Variants in OPCML observed in about 807,000 individuals in gnomAD.
The protein encoded by OPCML is opioid-binding protein/cell adhesion molecule.
A neutral mutation model predicts 37.8 loss-of-function variants in OPCML; 13 were observed. The ratio of observed to expected loss-of-function variants is 0.34; its 90% CI spans 0.22 to 0.55. The LOEUF is 0.55. OPCML is among the 20% of genes least tolerant of loss of function. The probability of loss-of-function intolerance (pLI) is 0.91; values close to 1 mark genes in which losing one functional copy is unlikely to be tolerated. For missense variants in OPCML, 341 were observed against 435.6 expected (o/e 0.78, Z 1.93); for synonymous variants, 176 against 168.8 (o/e 1.04, Z -0.33).
At chr11:132,560,138 A>G (rs1336359825) in intron 3 of OPCML, among the ~76,000 whole-genome samples, 1 of 152,156 alleles carries the variant, frequency 6.6e-6, no homozygotes, top group African/African-American at 2.4e-5. Flanking sequence ...TTGTTCTCAG[A>G]TCTTCCCTTT....
chr11:132,544,036 A>G (rs1290918632), intron 3 of OPCML, among the ~76,000 whole-genome samples: 1 of 152,122 alleles, frequency 6.6e-6, no homozygotes, highest in African/African-American at 2.4e-5. Context: ...ATTACAGCCA[A>G]AGACAAGTCT....
chr11:133,073,236 G>T (rs1238462781), intron 1 of OPCML, among the ~76,000 whole-genome samples: 1 of 152,230 alleles, frequency 6.6e-6, no homozygotes, highest in Non-Finnish European at 1.5e-5. Context: ...TCAGGCACCA[G>T]TCAAGCCCTG....
intron 1 of OPCML, among the ~76,000 whole-genome samples, chr11:133,108,060 A>T (rs1949188280): frequency 6.6e-6 from 1 of 152,230 alleles, no homozygotes; most frequent in African/African-American, 2.4e-5. Context: ...GCACAAAAGC[A>T]GAGCAGCCAA....
At chr11:133,070,596 G>A (rs531152102) in intron 1 of OPCML, among the ~76,000 whole-genome samples, 6 of 152,268 alleles carry the variant, frequency 3.9e-5, no homozygotes, top group Admixed American at 2.0e-4. Context: ...GCAACGGTGT[G>A]GCTAATTCCA....
chr11:133,029,862 T>TA (rs1418880432), intron 1 of OPCML, among the ~76,000 whole-genome samples: 213 of 2,312 alleles, frequency 0.092, 1 homozygote, highest in Middle Eastern at 0.33. Context: ...AATCTAAAAT[T>TA]TAAAAAAAAA....
chr11:133,230,117 G>A (rs757866019), intron 1 of OPCML, among the ~76,000 whole-genome samples: 8 of 152,190 alleles, frequency 5.3e-5, no homozygotes, highest in Non-Finnish European at 1.0e-4. Flanking sequence ...TCTACTCACC[G>A]TGGTCTTAGA....
chr11:132,554,026 G>A (rs1191600028), intron 3 of OPCML, among the ~76,000 whole-genome samples: 1 of 152,178 alleles, frequency 6.6e-6, no homozygotes, highest in Non-Finnish European at 1.5e-5. Context: ...AAGCCTGCCT[G>A]CCAGGGACCT....
intron 4 of OPCML, among the ~76,000 whole-genome samples, chr11:132,518,886 CA>C (rs1315731544): frequency 6.6e-6 from 1 of 152,152 alleles, no homozygotes; most frequent in Non-Finnish European, 1.5e-5. Context: ...GCATAAGAGA[CA>C]AAGATAGACA....
chr11:133,253,110 C>T (rs941875295), intron 1 of OPCML, among the ~76,000 whole-genome samples: 10 of 147,670 alleles, frequency 6.8e-5, no homozygotes, highest in Admixed American at 4.8e-4. Context: ...CATGCCATTG[C>T]ACTCCAGCCT....
intron 3 of OPCML, among the ~76,000 whole-genome samples, chr11:132,607,771 G>T (rs1938397332): frequency 6.6e-6 from 1 of 152,132 alleles, no homozygotes; most frequent in Admixed American, 6.5e-5. Flanking sequence ...ACCAGAAGGG[G>T]TAAACAAAGA....
intron 2 of OPCML, among the ~76,000 whole-genome samples, chr11:132,781,257 G>A (rs1394292843): frequency 1.3e-5 from 2 of 152,090 alleles, no homozygotes; most frequent in Non-Finnish European, 2.9e-5. Flanking sequence ...GGCAAAGTGA[G>A]TGCCCTGCCC....
intron 1 of OPCML, among the ~76,000 whole-genome samples, chr11:133,352,467 G>A (rs1396542056): frequency 6.6e-6 from 1 of 152,180 alleles, no homozygotes; most frequent in Non-Finnish European, 1.5e-5. Context: ...TACCTCAAAC[G>A]CACCATCAGC....
rs552089127 is a variant in OPCML at position 132,487,615 on chromosome 11, A to G, written c.505+41446T>C. On this transcript the variant is annotated intron_variant, in intron 4 of 7. Transcript: ENST00000524381. ...ACTCTCCTCTCCCTTCCTCTTTGCT[A>G]CTATGAATGACACTTTCCCGTTAGG... Among the ~76,000 whole-genome samples, 9 of 152,198 alleles carry G rather than the reference A, an allele frequency of 5.9e-5. No individual in the cohort carries two copies. The East Asian group carries it at 1.7e-3, about 29-fold the overall frequency.
At chr11:132,867,424 G>A (rs2136381155) in intron 2 of OPCML, among the ~76,000 whole-genome samples, 1 of 152,288 alleles carries the variant, frequency 6.6e-6, no homozygotes, top group South Asian at 2.1e-4. Context: ...AAGATAAATA[G>A]AAGTTACTTT....
chr11:132,606,680 ACTGCC>A (rs1938323099), intron 3 of OPCML, among the ~76,000 whole-genome samples: 1 of 37,302 alleles, frequency 2.7e-5, no homozygotes, highest in Non-Finnish European at 6.9e-5. Context: ...TGGGACCGTG[ACTGCC>A]GTGACTGCAC....
chr11:133,349,383 C>A (rs938316819), intron 1 of OPCML, among the ~76,000 whole-genome samples: 2 of 152,166 alleles, frequency 1.3e-5, no homozygotes, highest in African/African-American at 4.8e-5. Context: ...ATTCTCACCT[C>A]TTAATTTAAT....
At chr11:132,470,215 G>A (rs956376637) in intron 4 of OPCML, among the ~76,000 whole-genome samples, 3 of 152,070 alleles carry the variant, frequency 2.0e-5, no homozygotes, top group Admixed American at 6.6e-5. Flanking sequence ...TGTAGTTAAG[G>A]CAGGAAGCAC....
At chr11:133,000,765 C>T (rs1167835407) in intron 1 of OPCML, among the ~76,000 whole-genome samples, 1 of 152,202 alleles carries the variant, frequency 6.6e-6, no homozygotes, top group Non-Finnish European at 1.5e-5. Context: ...TGGTTTGTCC[C>T]TTCCAAATTT....
intron 2 of OPCML, among the ~76,000 whole-genome samples, chr11:132,677,992 C>T (rs1942785271): frequency 6.6e-6 from 1 of 152,124 alleles, no homozygotes; most frequent in African/African-American, 2.4e-5. Context: ...ATATCTGCAA[C>T]AGACATCTCA....
Sources: allele counts gnomAD v4.1 joint callset (sites outside exome capture counted in the v4.1 genomes callset), GRCh38; gene constraint gnomAD v4.1.1; transcripts MANE v1.5; gene names NCBI Gene and HGNC (gene_info 2026-07-23, HGNC 2026-07-21).